Variants in OCM observed in about 807,000 individuals in gnomAD.
The protein encoded by OCM is oncomodulin, also known as oncomodulin-1.
In OCM, 18 loss-of-function variants were observed where a neutral mutation model predicts 14.1. The ratio of observed to expected loss-of-function variants is 1.28; its 90% CI spans 0.88 to 1.89. The LOEUF (loss-of-function observed/expected upper bound fraction) is 1.89, where lower values mean the gene tolerates loss of function less well. Among genes scored for constraint, OCM ranks in the 40% most tolerant of loss-of-function variants. The pLI, the probability that OCM is intolerant of heterozygous loss-of-function variation, is 0.00. For synonymous variants in OCM, 48 were observed against 51.0 expected (o/e 0.94, Z 0.25); for missense variants, 140 against 137.6 (o/e 1.02, Z -0.09).
intron 2 of OCM, 67 bp from the exon 3 acceptor site, chr7:5,883,823 A>G: frequency 1.9e-6 from 3 of 1,595,054 alleles, no homozygotes; most frequent in Non-Finnish European, 2.6e-6. Context: ...TAGAGGAAAA[A>G]CAAAAGTGTA....
chr7:5,874,059 T>TA, the OCM span, among the ~76,000 whole-genome samples: 53,505 of 131,706 alleles, frequency 0.41, 10,652 homozygotes, highest in African/African-American at 0.49. Context: ...CTACTAAAAA[T>TA]AAAAAAAAAA....
chr7:5,873,762 A>G, the OCM span, among the ~76,000 whole-genome samples: 86,895 of 151,784 alleles, frequency 0.57, 25,205 homozygotes, highest in Middle Eastern at 0.67. Context: ...GGCTTGGGCT[A>G]GGGTAGTGAC....
the OCM span, among the ~76,000 whole-genome samples, chr7:5,874,513 T>G: frequency 6.6e-6 from 1 of 152,026 alleles, no homozygotes; most frequent in East Asian, 1.9e-4. Context: ...TTTCTTTTTT[T>G]TTCTTTGGAG....
At chr7:5,875,054 A>G (rs139741300), upstream of OCM, among the ~76,000 whole-genome samples, 3,915 of 121,514 alleles carry the variant, frequency 0.032, 181 homozygotes, top group African/African-American at 0.12. Context: ...ATATATATAT[A>G]TGTATTTTTT....
chr7:5,880,574 C>T (rs553436212), upstream of OCM, among the ~76,000 whole-genome samples: 44 of 151,872 alleles, frequency 2.9e-4, no homozygotes, highest in African/African-American at 1.0e-3. Context: ...GCCTGGCCAA[C>T]ATGGCAAAAC....
chr7:5,886,040 C>T, intron 3 of OCM, 24 bp from the exon 4 acceptor site: 1 of 1,614,124 alleles, frequency 6.2e-7, no homozygotes, highest in South Asian at 1.1e-5. Context: ...TCCACTGACC[C>T]TGTTCTCACC....
intron 3 of OCM, among the ~76,000 whole-genome samples, chr7:5,885,096 G>A (rs1460303541): frequency 6.8e-6 from 1 of 146,202 alleles, no homozygotes; most frequent in Non-Finnish European, 1.5e-5. Flanking sequence ...CTCCAGCCTG[G>A]GCAACAAGAG....
chr7:5,880,491 G>T (rs537304384), upstream of OCM, among the ~76,000 whole-genome samples: 87 of 152,250 alleles, frequency 5.7e-4, no homozygotes, highest in African/African-American at 2.0e-3. Context: ...TGGCTCGGTG[G>T]CTTGCATCTG....
At chr7:5,867,036 A>G in the OCM span, among the ~76,000 whole-genome samples, 2 of 152,180 alleles carry the variant, frequency 1.3e-5, no homozygotes, top group Non-Finnish European at 1.5e-5. Context: ...TTTATGGCCC[A>G]TCAATTAACA....
the OCM span, among the ~76,000 whole-genome samples, chr7:5,872,443 A>C: frequency 6.6e-6 from 1 of 152,212 alleles, no homozygotes; most frequent in East Asian, 1.9e-4. Context: ...CTTGTAGAGA[A>C]GTATCTCATT....
the OCM span, among the ~76,000 whole-genome samples, chr7:5,874,135 A>G: frequency 1.3e-5 from 2 of 149,372 alleles, no homozygotes; most frequent in South Asian, 2.1e-4. Context: ...GAGGCAGAAG[A>G]ATCTCGTGAA....
At chr7:5,881,973 G>A (rs1424372929) in intron 1 of OCM, among the ~76,000 whole-genome samples, 2 of 151,132 alleles carry the variant, frequency 1.3e-5, no homozygotes, top group African/African-American at 4.9e-5. Flanking sequence ...TGTAATCTCA[G>A]CTACTTGGGA....
At chr7:5,861,672 CCCT>C in the OCM span, among the ~76,000 whole-genome samples, 1 of 152,042 alleles carries the variant, frequency 6.6e-6, no homozygotes, top group East Asian at 1.9e-4. Context: ...CATGGGTCAG[CCCT>C]CCTCATTTTG....
At chr7:5,878,875 TAAAAAAAA>T (rs57901741), upstream of OCM, among the ~76,000 whole-genome samples, 129 of 102,024 alleles carry the variant, frequency 1.3e-3, no homozygotes, top group South Asian at 5.9e-3. Flanking sequence ...TGCTGAAAGT[TAAAAAAAA>T]AAAAAAAAAA....
At chr7:5,884,409 C>G (rs1030342546) in intron 3 of OCM, among the ~76,000 whole-genome samples, 1 of 152,132 alleles carries the variant, frequency 6.6e-6, no homozygotes, top group South Asian at 2.1e-4. Flanking sequence ...CATTGGCATG[C>G]GTAGGAAGCC....
At chr7:5,867,893 A>C in the OCM span, among the ~76,000 whole-genome samples, 3 of 151,670 alleles carry the variant, frequency 2.0e-5, no homozygotes, top group East Asian at 5.8e-4. Context: ...GGACCACCAC[A>C]CCTGGCTACT....
chr7:5,867,487 C>T, the OCM span, among the ~76,000 whole-genome samples: 1 of 152,082 alleles, frequency 6.6e-6, no homozygotes, highest in Admixed American at 6.6e-5. Context: ...CCTTTTTCCT[C>T]CTCTTATTTT....
the OCM span, among the ~76,000 whole-genome samples, chr7:5,872,618 G>A: frequency 1.3e-5 from 2 of 152,108 alleles, no homozygotes; most frequent in African/African-American, 2.4e-5. Flanking sequence ...ATGAAAGACC[G>A]AAGATAAAAA....
chr7:5,874,030 A>G, the OCM span, among the ~76,000 whole-genome samples: 1 of 149,662 alleles, frequency 6.7e-6, no homozygotes, highest in East Asian at 1.9e-4. Flanking sequence ...AGCCTGGCCA[A>G]CATGGTGAAA....
Sources: gnomAD v4.1 joint callset for allele counts (sites outside exome capture counted in the v4.1 genomes callset) on GRCh38, gnomAD v4.1.1 for gene constraint, MANE v1.5 for transcripts, NCBI Gene and HGNC (gene_info 2026-07-23, HGNC 2026-07-21) for gene names.